XKR6: variants seen among roughly 807,000 people sequenced by gnomAD.
The protein encoded by XKR6 is XK related 6.
In XKR6, 22 loss-of-function variants were observed where a neutral mutation model predicts 56.7. The ratio of observed to expected loss-of-function variants is 0.39; its 90% CI spans 0.28 to 0.55. The LOEUF (loss-of-function observed/expected upper bound fraction) is 0.55. Among genes scored for constraint, XKR6 ranks in the 20% least tolerant of loss-of-function variants. The pLI is 0.66. For synonymous variants in XKR6, 524 were observed against 387.8 expected, an observed-to-expected ratio of 1.35 and a Z score of -4.13; for missense variants, 852 against 889.0, an observed-to-expected ratio of 0.96 and a Z score of 0.53.
intron 1 of XKR6, among the ~76,000 whole-genome samples, chr8:10,958,296 C>G (rs569528288): frequency 6.6e-6 from 1 of 152,192 alleles, no homozygotes. Flanking sequence ...AAACAGAGGC[C>G]TGAGTGCTGG....
intron 1 of XKR6, among the ~76,000 whole-genome samples, chr8:11,146,462 C>A (rs1326382517): frequency 6.6e-6 from 1 of 152,124 alleles, no homozygotes; most frequent in Non-Finnish European, 1.5e-5. Context: ...GCCATCTCTA[C>A]AGAAAGATTT....
chr8:11,112,120 T>C (rs904438853), intron 1 of XKR6, among the ~76,000 whole-genome samples: 3 of 152,224 alleles, frequency 2.0e-5, no homozygotes, highest in East Asian at 1.9e-4. Context: ...TACTTAATTA[T>C]AGAGTATTTA....
chr8:10,978,577 G>A (rs1376081219), intron 1 of XKR6, among the ~76,000 whole-genome samples: 1 of 152,150 alleles, frequency 6.6e-6, no homozygotes, highest in Non-Finnish European at 1.5e-5. Context: ...AAAGAAACAG[G>A]CACCCCAAGA....
intron 2 of XKR6, among the ~76,000 whole-genome samples, chr8:10,907,467 A>G (rs555645135): frequency 2.8e-4 from 43 of 152,306 alleles, no homozygotes; most frequent in African/African-American, 1.0e-3. Context: ...CACTGCACAT[A>G]ACTCAATTGT....
intron 2 of XKR6, among the ~76,000 whole-genome samples, chr8:10,909,038 C>T (rs1043647947): frequency 2.0e-5 from 3 of 152,090 alleles, no homozygotes; most frequent in Admixed American, 6.6e-5. Context: ...TGGTGGCACG[C>T]ACCTGTAGTC....
At chr8:11,100,475 T>G (rs1798429254) in intron 1 of XKR6, among the ~76,000 whole-genome samples, 1 of 152,202 alleles carries the variant, frequency 6.6e-6, no homozygotes, top group Admixed American at 6.5e-5. Context: ...ACGCAATGAT[T>G]TAGTCTACAA....
At chr8:11,139,969 A>C (rs1041629014) in intron 1 of XKR6, among the ~76,000 whole-genome samples, 2 of 152,232 alleles carry the variant, frequency 1.3e-5, no homozygotes, top group Admixed American at 6.5e-5. Context: ...GTAAGCCAGA[A>C]TGATTTCCTT....
chr8:11,156,106 T>C (rs183207312), intron 1 of XKR6, among the ~76,000 whole-genome samples: 2 of 152,334 alleles, frequency 1.3e-5, no homozygotes, highest in African/African-American at 4.8e-5. Context: ...TCCAATTCTC[T>C]TTCCACTCTA....
intron 1 of XKR6, among the ~76,000 whole-genome samples, chr8:10,953,421 G>A (rs928573500): frequency 1.5e-4 from 23 of 152,084 alleles, no homozygotes; most frequent in African/African-American, 5.3e-4. Context: ...GTAAGCTTCT[G>A]AGGCCTCCCT....
Position 11,200,864 on chromosome 8 carries a change from T to C in XKR6, c.476A>G (p.Tyr159Cys), listed in dbSNP as rs778990526. Residue 159 changes from tyrosine to cysteine, a missense_variant, in exon 1 of 3, where the codon TAC becomes TGC. This residue lies in a region of XKR6 where 417 missense variants were observed against 355.2 expected (regional missense o/e 1.17). Transcript: ENST00000416569. This position sits in a 1 kb window ranked among gnomAD's most constrained non-coding sequence, Gnocchi z 6.4. ...GAAGAGGGTCAGCCCGAAGTAGACG[T>C]AGTCCCCCTTGCGGTAGTAGTCGAG... ...LALDYYRKGD[Y>C]VYFGLTLFFV... 1 of 1,611,774 alleles carries C rather than the reference T, an allele frequency of 6.2e-7. No individual in the cohort carries two copies. The highest frequency in any genetic ancestry group is 8.5e-7 in the Non-Finnish European group (1 of 1,179,478).
intron 1 of XKR6, among the ~76,000 whole-genome samples, chr8:11,166,180 C>T (rs999650023): frequency 3.9e-5 from 6 of 152,106 alleles, no homozygotes; most frequent in Admixed American, 6.5e-5. Flanking sequence ...ATACTATTCA[C>T]TGAAGAGGAA....
At chr8:11,007,562 G>C (rs1455706418) in intron 1 of XKR6, among the ~76,000 whole-genome samples, 1 of 152,130 alleles carries the variant, frequency 6.6e-6, no homozygotes, top group Non-Finnish European at 1.5e-5. Flanking sequence ...ATACTGATGA[G>C]TCACGTGCAG....
At chr8:11,021,362 C>G (rs1412503328) in intron 1 of XKR6, among the ~76,000 whole-genome samples, 1 of 152,232 alleles carries the variant, frequency 6.6e-6, no homozygotes, top group Admixed American at 6.5e-5. Context: ...GAGTTTCTAG[C>G]TGCTGCTGGA....
intron 1 of XKR6, among the ~76,000 whole-genome samples, chr8:11,168,599 T>A (rs891877839): frequency 6.6e-6 from 1 of 152,204 alleles, no homozygotes; most frequent in African/African-American, 2.4e-5. Flanking sequence ...CACATTCTTC[T>A]AAAGTTTACA....
At chr8:11,077,565 G>C (rs1163159894) in intron 1 of XKR6, among the ~76,000 whole-genome samples, 2 of 152,220 alleles carry the variant, frequency 1.3e-5, no homozygotes, top group Admixed American at 6.5e-5. Flanking sequence ...CTGTGCACCA[G>C]ACTGGGTCCT....
intron 1 of XKR6, among the ~76,000 whole-genome samples, chr8:11,169,489 A>C (rs1256149923): frequency 1.3e-5 from 2 of 152,254 alleles, no homozygotes; most frequent in African/African-American, 4.8e-5. Context: ...ATGTTAGACC[A>C]TGGACACCTT....
chr8:11,146,408 A>C (rs1304287057), intron 1 of XKR6, among the ~76,000 whole-genome samples: 1 of 152,216 alleles, frequency 6.6e-6, no homozygotes, highest in African/African-American at 2.4e-5. Flanking sequence ...GTCGGTCTGC[A>C]TGAGGCCAGG....
At chr8:10,983,747 C>A (rs1797787923) in intron 1 of XKR6, among the ~76,000 whole-genome samples, 1 of 152,006 alleles carries the variant, frequency 6.6e-6, no homozygotes, top group South Asian at 2.1e-4. Flanking sequence ...GCTCCGCCTC[C>A]CAGGTTCACA....
chr8:11,124,227 A>G (rs1586579152), intron 1 of XKR6: 2 of 348,624 alleles, frequency 5.7e-6, no homozygotes, highest in Non-Finnish European at 1.1e-5. Flanking sequence ...TATCAAGCAT[A>G]TTCATCTTAC....
Sources: gnomAD v4.1 joint callset for allele counts (sites outside exome capture counted in the v4.1 genomes callset) on GRCh38, gnomAD v4.1.1 for gene constraint, gnomAD v4.1.1 regional missense constraint, Gnocchi (gnomAD v3.1) non-coding constraint, MANE v1.5 for transcripts, NCBI Gene and HGNC (gene_info 2026-07-23, HGNC 2026-07-21) for gene names.